Variants in KCNJ3 observed in about 807,000 individuals in gnomAD.
KCNJ3 encodes G protein-activated inward rectifier potassium channel 1.
A neutral mutation model predicts 39.2 loss-of-function variants in KCNJ3; 4 were observed. That is an observed-to-expected ratio of 0.10 (90% CI 0.05 to 0.23). KCNJ3 has a LOEUF of 0.23. Ranked by LOEUF, KCNJ3 falls within the 10% of genes least tolerant of loss-of-function variation. The probability of loss-of-function intolerance (pLI) is 1.00; values close to 1 mark genes in which losing one functional copy is unlikely to be tolerated. For synonymous variants in KCNJ3, 230 were observed against 237.4 expected (o/e 0.97, Z 0.29); for missense variants, 276 against 634.9 (o/e 0.43, Z 6.08).
chr2:154,711,187 A>G (rs558855280), intron 2 of KCNJ3, among the ~76,000 whole-genome samples: 5 of 152,200 alleles, frequency 3.3e-5, no homozygotes, highest in Admixed American at 2.0e-4. Flanking sequence ...ATATCATAGT[A>G]TTTTTTAAAA....
At chr2:154,775,476 A>G (rs1361901800) in intron 2 of KCNJ3, among the ~76,000 whole-genome samples, 1 of 152,184 alleles carries the variant, frequency 6.6e-6, no homozygotes, top group African/African-American at 2.4e-5. Flanking sequence ...AATTGGGCAT[A>G]ATTTTTAAGA....
At chr2:154,835,858 T>C (rs962853816) in intron 2 of KCNJ3, among the ~76,000 whole-genome samples, 2 of 152,172 alleles carry the variant, frequency 1.3e-5, no homozygotes, top group African/African-American at 4.8e-5. Context: ...AAAAAAATTT[T>C]CTGAAAGGTC....
intron 2 of KCNJ3, among the ~76,000 whole-genome samples, chr2:154,804,104 T>C (rs1686869411): frequency 1.3e-5 from 2 of 152,098 alleles, no homozygotes; most frequent in Admixed American, 6.6e-5. Flanking sequence ...TATAAAGACA[T>C]AGCTAATAAA....
chr2:154,769,328 A>G (rs2591177), intron 2 of KCNJ3, among the ~76,000 whole-genome samples: 133,200 of 152,038 alleles, frequency 0.88, 58,458 homozygotes, highest in East Asian at 1. Context: ...TGGGTTTGTC[A>G]TAAATAGCTC....
chr2:154,794,194 A>G (rs1400813366), intron 2 of KCNJ3, among the ~76,000 whole-genome samples: 1 of 151,972 alleles, frequency 6.6e-6, no homozygotes, highest in Non-Finnish European at 1.5e-5. Context: ...GGTCAGATAA[A>G]GTTGTTTTTG....
chr2:154,721,053 C>CT lies in KCNJ3; in HGVS notation c.919+11238dup, dbSNP rs1264408444. ...TTTGCTATACATTTTTCCCAGTGGC[C>CT]TTTTAAAAAAATCCTTCATTACCCT... is the stretch of plus-strand genomic sequence containing the variant. On this transcript the variant is annotated intron_variant, in intron 2 of 2. Transcript: ENST00000295101. Among the ~76,000 whole-genome samples, 3 of 7,692 alleles carry CT rather than the reference C, an allele frequency of 3.9e-4. No homozygotes were observed. The Non-Finnish European group carries it at 0.023, about 59-fold the overall frequency. 5.0% of individuals were successfully genotyped at this position (7,692 alleles called of 152,430 possible). A position where few individuals can be genotyped will look rare whatever the true frequency, so the allele number is the denominator to read the frequency against.
At chr2:154,711,270 T>A (rs1685098382) in intron 2 of KCNJ3, among the ~76,000 whole-genome samples, 1 of 152,128 alleles carries the variant, frequency 6.6e-6, no homozygotes, top group South Asian at 2.1e-4. Flanking sequence ...ATTTCCATTT[T>A]TACTCATCTC....
At chr2:154,742,240 T>C (rs1685666672) in intron 2 of KCNJ3, among the ~76,000 whole-genome samples, 2 of 151,896 alleles carry the variant, frequency 1.3e-5, no homozygotes, top group Admixed American at 1.3e-4. Flanking sequence ...GGCTGAGTAA[T>C]ATTCCATTGT....
Position 154,850,536 on chromosome 2 carries a change from T to C in KCNJ3, c.920-4191T>C, listed in dbSNP as rs182135570. On this transcript the variant is annotated intron_variant, in intron 2 of 2. Coordinates refer to ENST00000295101, the MANE Select transcript of KCNJ3 (RefSeq NM_002239.4). ...TGTCTAAGATGCAGATTGGCAAACA[T>C]AGACATTTTTCTGTTATCCAATTTA... is the stretch of plus-strand genomic sequence containing the variant. Among the ~76,000 whole-genome samples, 421 of 152,300 alleles carry C rather than the reference T, an allele frequency of 2.8e-3. 7 individuals carry two copies. Among genetic ancestry groups the C allele is most frequent in the African/African-American group, 9.6e-3 (400 of 41,570 alleles).
intron 2 of KCNJ3, among the ~76,000 whole-genome samples, chr2:154,848,868 T>G (rs1687708214): frequency 6.6e-6 from 1 of 152,174 alleles, no homozygotes. Flanking sequence ...GAAAGGTTCA[T>G]TTCTTTCATC....
At chr2:154,747,860 T>C (rs1685774425) in intron 2 of KCNJ3, among the ~76,000 whole-genome samples, 1 of 151,938 alleles carries the variant, frequency 6.6e-6, no homozygotes, top group Non-Finnish European at 1.5e-5. Flanking sequence ...GGAAATAAGG[T>C]GGAAGATTCC....
chr2:154,733,216 C>A (rs565381553), intron 2 of KCNJ3, among the ~76,000 whole-genome samples: 3 of 151,866 alleles, frequency 2.0e-5, no homozygotes, highest in Admixed American at 6.6e-5. Context: ...AACTAACTAC[C>A]CTTAAACCTA....
At chr2:154,758,759 T>C (rs1160933552) in intron 2 of KCNJ3, among the ~76,000 whole-genome samples, 1 of 152,170 alleles carries the variant, frequency 6.6e-6, no homozygotes, top group African/African-American at 2.4e-5. Context: ...AAGCTTCTTT[T>C]GTTGACTTGA....
At chr2:154,711,472 T>C (rs922357636) in intron 2 of KCNJ3, among the ~76,000 whole-genome samples, 1 of 152,154 alleles carries the variant, frequency 6.6e-6, no homozygotes, top group African/African-American at 2.4e-5. Context: ...TTATTAGATC[T>C]ATCTATCTAC....
chr2:154,843,578 C>T (rs1687616103), intron 2 of KCNJ3, among the ~76,000 whole-genome samples: 2 of 152,148 alleles, frequency 1.3e-5, no homozygotes, highest in African/African-American at 2.4e-5. Flanking sequence ...GTACACCAAT[C>T]AAATGTAGAT....
intron 2 of KCNJ3, among the ~76,000 whole-genome samples, chr2:154,844,922 C>T (rs532766860): frequency 6.6e-6 from 1 of 152,242 alleles, no homozygotes; most frequent in Admixed American, 6.5e-5. Flanking sequence ...GACGCCTTGC[C>T]CTGCCTGCTT....
intron 2 of KCNJ3, among the ~76,000 whole-genome samples, chr2:154,730,746 A>C (rs1373266817): frequency 6.6e-6 from 1 of 152,096 alleles, no homozygotes; most frequent in Non-Finnish European, 1.5e-5. Context: ...CTCACATGAG[A>C]AGCTCTTTTC....
At position 154,855,542 on chromosome 2, in the gene KCNJ3, T is replaced by C; in HGVS notation, c.*229T>C. 1 of 383,922 alleles carries C rather than the reference T, an allele frequency of 2.6e-6. No homozygotes were observed. The highest frequency in any genetic ancestry group is 4.7e-6 in the Non-Finnish European group (1 of 213,690). The allele number at this position is 383,922 out of a possible 1,614,324, so 23.8% of individuals were successfully genotyped here. ...CGGGCATGTATTATCACATCAAGCA[T>C]GCAATAATGTGCAAATTTTGCATTT... On this transcript the variant is annotated 3_prime_UTR_variant, in exon 3 of 3. Transcript: ENST00000295101.
Position 154,834,096 on chromosome 2 carries a change from A to G in KCNJ3, c.920-20631A>G, listed in dbSNP as rs150607759. Among the ~76,000 whole-genome samples, 425 of 152,270 alleles carry G rather than the reference A, an allele frequency of 2.8e-3. 4 individuals carry two copies. Among genetic ancestry groups the G allele is most frequent in the African/African-American group, 0.01 (418 of 41,554 alleles). Reference sequence around the variant, plus strand: ...AGGGTTGTATGGTAAAAATATGTTTAGTTTTGTAATAAACTGGCAAACTGT... The same window carrying G: ...AGGGTTGTATGGTAAAAATATGTTTGGTTTTGTAATAAACTGGCAAACTGT... On this transcript the variant is annotated intron_variant, in intron 2 of 2. Transcript: ENST00000295101.
Sources: gnomAD v4.1 joint callset for allele counts (sites outside exome capture counted in the v4.1 genomes callset) on GRCh38, gnomAD v4.1.1 for gene constraint, MANE v1.5 for transcripts, NCBI Gene and HGNC (gene_info 2026-07-23, HGNC 2026-07-21) for gene names.